Variants in TRPV4 observed in about 807,000 individuals in gnomAD.
The protein encoded by TRPV4 is transient receptor potential cation channel subfamily V member 4, also known as OSM9-like transient receptor potential channel 4.
In TRPV4, 58 loss-of-function variants were observed where a neutral mutation model predicts 84.1. The ratio of observed to expected loss-of-function variants is 0.69; its 90% confidence interval spans 0.56 to 0.86. TRPV4 has a LOEUF of 0.86. Ranked by LOEUF, TRPV4 falls within the 40% of genes least tolerant of loss-of-function variation. The probability of loss-of-function intolerance (pLI) is 0.00; values close to 1 mark genes in which losing one functional copy is unlikely to be tolerated. For synonymous variants in TRPV4, 489 were observed against 500.9 expected (o/e 0.98, Z 0.32); for missense variants, 879 against 1,181.1 (o/e 0.74, Z 3.75).
At position 109,798,732 on chromosome 12, in the gene TRPV4, A is replaced by T; in HGVS notation, c.1034T>A (p.Met345Lys). 1.2e-6 allele frequency: 2 copies of T among 1,614,164 alleles called. No homozygotes were observed. Among genetic ancestry groups the T allele is most frequent in the Non-Finnish European group, 8.5e-7 (1 of 1,180,046 alleles). Reference sequence around the variant, plus strand: ...ACACTTGAGCAGCAGCAGGTCGTACATCTTGGTAACAAACTTGGTGTTCTC... The same window carrying T: ...ACACTTGAGCAGCAGCAGGTCGTACTTCTTGGTAACAAACTTGGTGTTCTC... ...TRENTKFVTK[M>K]YDLLLLKCAR... Residue 345 changes from methionine to lysine, a missense_variant, in exon 6 of 16, where the codon ATG becomes AAG. Met to Lys is a moderately conservative substitution (Grantham distance 95, BLOSUM62 -1). Around this residue, in one of 4 missense-constraint regions of TRPV4, gnomAD observed 521 missense variants for 686.6 expected, o/e 0.76. Transcript: ENST00000261740. This position sits in a 1 kb window ranked among gnomAD's most constrained non-coding sequence, Gnocchi z 5.0.
intron 13 of TRPV4, among the ~76,000 whole-genome samples, chr12:109,788,079 C>T (rs947141868): frequency 3.3e-5 from 5 of 152,238 alleles, no homozygotes; most frequent in African/African-American, 9.6e-5. Context: ...TGCTGAAACG[C>T]TGATGCCCAC....
At chr12:109,802,895 C>T in intron 4 of TRPV4, 96 bp downstream of exon 4, 1 of 1,324,056 alleles carries the variant, frequency 7.6e-7, no homozygotes, top group Non-Finnish European at 1.1e-6. Flanking sequence ...TACATGCTGG[C>T]ACTTAGGCCC....
intron 6 of TRPV4, among the ~76,000 whole-genome samples, chr12:109,797,025 T>C (rs1443779165): frequency 2.0e-5 from 3 of 152,158 alleles, no homozygotes; most frequent in East Asian, 1.9e-4. Context: ...CTTAATGACA[T>C]GTGAATTATA....
chr12:109,791,685 T>C (rs892273988), intron 12 of TRPV4, among the ~76,000 whole-genome samples: 2 of 151,380 alleles, frequency 1.3e-5, no homozygotes, highest in Non-Finnish European at 1.5e-5. Context: ...GGTTTTGCCA[T>C]GTTGGCCAGG....
At chr12:109,807,034 C>T (rs1307905296) in intron 3 of TRPV4, among the ~76,000 whole-genome samples, 2 of 151,998 alleles carry the variant, frequency 1.3e-5, no homozygotes, top group Admixed American at 6.6e-5. Context: ...CCCAGCACTT[C>T]GGGAGGCCAA....
chr12:109,784,641 C>A (rs1231902879), intron 14 of TRPV4, among the ~76,000 whole-genome samples: 1 of 151,530 alleles, frequency 6.6e-6, no homozygotes, highest in East Asian at 1.9e-4. Flanking sequence ...ACCAGCCTGG[C>A]CAACATGGTG....
At position 109,798,374 on chromosome 12, in the gene TRPV4, T is replaced by C. The variant is rs1487903353; in HGVS notation, c.1152+240A>G. Among the ~76,000 whole-genome samples, 1 of 151,432 alleles carries C rather than the reference T, an allele frequency of 6.6e-6. No individual in the cohort carries two copies. On this transcript the variant is annotated intron_variant, in intron 6 of 15. Transcript: ENST00000261740. The surrounding 1 kb of genome is among the most constrained non-coding windows in gnomAD (Gnocchi z 5.0). ...AGTGGCTCATCCTGGCTGGTGGGGG[T>C]GGAGTGGTGAACATCCAGTAGGGTG...
At position 109,793,859 on chromosome 12, in the gene TRPV4, G is replaced by A; in HGVS notation, c.1584+71C>T. On this transcript the variant is annotated intron_variant, in intron 9 of 15. Coordinates refer to ENST00000261740, the MANE Select transcript of TRPV4 (RefSeq NM_021625.5). This position sits in a 1 kb window ranked among gnomAD's most constrained non-coding sequence, Gnocchi z 4.0. ...TGGAGGAGAGAGAAGAGAAAAAGAG[G>A]GAGAGAAAAGAGGTGCAGGAAGAGA... is the stretch of plus-strand genomic sequence containing the variant. 1 of 1,154,498 alleles carries A rather than the reference G, an allele frequency of 8.7e-7. No homozygotes were observed. Among genetic ancestry groups the A allele is most frequent in the Non-Finnish European group, 1.3e-6 (1 of 778,222 alleles). 71.5% of individuals were successfully genotyped at this position (1,154,498 alleles called of 1,614,324 possible).
rs1889698498 is a variant in TRPV4, at chr12:109,786,624, G to A, written c.2336+86C>T. The A allele has an allele frequency of 1.3e-6, 2 of 1,559,214 alleles. No homozygotes were observed. The highest frequency in any genetic ancestry group is 1.4e-5 in the African/African-American group (1 of 73,640). On this transcript the variant is annotated intron_variant, in intron 14 of 15. Transcript: ENST00000261740. This position sits in a 1 kb window ranked among gnomAD's most constrained non-coding sequence, Gnocchi z 4.5. The stretch of plus-strand genomic sequence containing the variant: ...CCTCAGTGGCTCCAGAAATTGCAAT[G>A]GGTAGACGACGCTGGAGCAGCAGGG...
chr12:109,804,815 C>T (rs1891018418), intron 3 of TRPV4, among the ~76,000 whole-genome samples: 1 of 152,212 alleles, frequency 6.6e-6, no homozygotes, highest in Non-Finnish European at 1.5e-5. Context: ...TCATTTCCCC[C>T]AGCCTCTCTG....
chr12:109,820,984 C>T (rs987396029), intron 1 of TRPV4, among the ~76,000 whole-genome samples: 1 of 152,238 alleles, frequency 6.6e-6, no homozygotes, highest in Non-Finnish European at 1.5e-5. Flanking sequence ...TCTCTGGCTC[C>T]GTCCCCATGC....
intron 1 of TRPV4, among the ~76,000 whole-genome samples, chr12:109,828,406 T>A (rs1010384773): frequency 1.3e-5 from 2 of 152,066 alleles, no homozygotes; most frequent in Non-Finnish European, 2.9e-5. Context: ...CAGAGTCACA[T>A]TGAAAGTGAG....
In TRPV4 at chr12:109,814,583, G is replaced by A. The variant is rs866577166; in HGVS notation, c.214C>T (p.Gln72Ter). The change falls in exon 2 of 16, where the codon CAG becomes TAG. Residue 72 changes from glutamine to a stop codon, truncating the protein, a stop_gained. Transcript: ENST00000261740. LOFTEE classifies it high-confidence loss of function. The surrounding 1 kb of genome is among the most constrained non-coding windows in gnomAD (Gnocchi z 5.4). ...GGCACCCCCTTGCGGAAGGCGCCCT[G>A]GAACTTCATGCGCAGATTTGGTCGC... ...DGRPNLRMKF[Q>*]GAFRKGVPNP... 8.1e-6 allele frequency: 13 copies of A among 1,613,994 alleles called. No individual in the cohort carries two copies. In the Admixed American group the frequency reaches 1.7e-4, roughly 21 times the overall value.
intron 1 of TRPV4, among the ~76,000 whole-genome samples, chr12:109,828,272 G>A (rs866970059): frequency 2.0e-5 from 3 of 152,154 alleles, no homozygotes; most frequent in Non-Finnish European, 2.9e-5. Context: ...CTCCCTCACC[G>A]ATGAGGAAAC....
At chr12:109,804,614 G>A (rs1891007237) in intron 3 of TRPV4, among the ~76,000 whole-genome samples, 1 of 152,200 alleles carries the variant, frequency 6.6e-6, no homozygotes, top group African/African-American at 2.4e-5. Context: ...AATCAGTGGG[G>A]CAGACTCAAG....
At chr12:109,803,306 T>G (rs760244136) in intron 3 of TRPV4, among the ~76,000 whole-genome samples, 163 bp from the exon 4 acceptor site, 2 of 152,214 alleles carry the variant, frequency 1.3e-5, no homozygotes, top group Non-Finnish European at 2.9e-5. Flanking sequence ...CCAGGGCCAC[T>G]CTATCTTTCT....
At chr12:109,802,305 C>CTTT (rs548840636) in intron 4 of TRPV4, among the ~76,000 whole-genome samples, 2 of 138,456 alleles carry the variant, frequency 1.4e-5, no homozygotes, top group African/African-American at 5.3e-5. Context: ...TTTTTTGCAT[C>CTTT]TTTTTTTTTT....
intron 12 of TRPV4, among the ~76,000 whole-genome samples, chr12:109,789,279 C>G (rs1174191685): frequency 6.6e-6 from 1 of 152,128 alleles, no homozygotes; most frequent in Non-Finnish European, 1.5e-5. Flanking sequence ...GGGGTGCTGC[C>G]TGACACCCTA....
chr12:109,794,320 G>T lies in TRPV4; in HGVS notation c.1491+9C>A. ...TGCCCCAGCCCCTGCCCGGTCCCCG[G>T]GCACTCACTGTGCCCTCCAGCGGCT... is the stretch of plus-strand genomic sequence containing the variant. On this transcript the variant is annotated intron_variant, in intron 8 of 15. Coordinates refer to ENST00000261740, the MANE Select transcript of TRPV4 (RefSeq NM_021625.5). The T allele has an allele frequency of 6.2e-7, 1 of 1,611,248 alleles. No homozygotes were observed. Among genetic ancestry groups the T allele is most frequent in the South Asian group, 1.1e-5 (1 of 91,074 alleles).
Sources: allele counts gnomAD v4.1 joint callset (sites outside exome capture counted in the v4.1 genomes callset), GRCh38; gene constraint gnomAD v4.1.1; regional missense constraint gnomAD v4.1.1; non-coding constraint Gnocchi (gnomAD v3.1); transcripts MANE v1.5; gene names NCBI Gene and HGNC (gene_info 2026-07-23, HGNC 2026-07-21).